Variants in CTNNA2 observed in about 807,000 individuals in gnomAD.
The protein encoded by CTNNA2 is catenin alpha 2.
A neutral mutation model predicts 101.0 loss-of-function variants in CTNNA2; 42 were observed. That is an observed-to-expected ratio of 0.42 (90% CI 0.32 to 0.54). The LOEUF (loss-of-function observed/expected upper bound fraction) is 0.54, where lower values mean the gene tolerates loss of function less well. Among genes scored for constraint, CTNNA2 ranks in the 20% least tolerant of loss-of-function variants. The pLI, the probability that CTNNA2 is intolerant of heterozygous loss-of-function variation, is 0.14. For synonymous variants in CTNNA2, 450 were observed against 456.4 expected, an observed-to-expected ratio of 0.99 and a Z score of 0.18; for missense variants, 871 against 1,223.1, an observed-to-expected ratio of 0.71 and a Z score of 4.29.
In CTNNA2 at chr2:80,119,954, A is replaced by G. The variant is rs185799020; in HGVS notation, c.1056+210157A>G. 4.6e-5 allele frequency among the ~76,000 whole-genome samples: 7 copies of G among 152,346 alleles called. No individual in the cohort carries two copies. In the East Asian group the frequency reaches 9.6e-4, roughly 21 times the overall value. ...GGAAATTAAAAGCCTCTGGCAATCTATAAACAATAGCCTTTGGTTTTGACT... is the reference window on the plus strand; with the variant it reads ...GGAAATTAAAAGCCTCTGGCAATCTGTAAACAATAGCCTTTGGTTTTGACT... On this transcript the variant is annotated intron_variant, in intron 7 of 18. Transcript: ENST00000402739.
intron 1 of CTNNA2, among the ~76,000 whole-genome samples, chr2:79,565,188 T>A (rs1675031470): frequency 1.3e-5 from 2 of 151,830 alleles, no homozygotes. Flanking sequence ...CACACGATCA[T>A]GAAATATTTG....
chr2:79,428,005 T>C (rs557258245), intron 4 of CTNNA2, among the ~76,000 whole-genome samples: 1 of 152,264 alleles, frequency 6.6e-6, no homozygotes, highest in East Asian at 1.9e-4. Context: ...ATCCTGTCAC[T>C]TTTCTAATGC....
At chr2:79,627,092 C>T (rs1460241356) in intron 1 of CTNNA2, among the ~76,000 whole-genome samples, 1 of 152,210 alleles carries the variant, frequency 6.6e-6, no homozygotes, top group Non-Finnish European at 1.5e-5. Flanking sequence ...GCTTTATGGG[C>T]GACAGCTCTG....
chr2:79,970,166 G>T (rs1025688211), intron 7 of CTNNA2, among the ~76,000 whole-genome samples: 1 of 152,172 alleles, frequency 6.6e-6, no homozygotes, highest in African/African-American at 2.4e-5. Context: ...GTGTTATAGA[G>T]AAAGGGAATT....
intron 8 of CTNNA2, among the ~76,000 whole-genome samples, chr2:80,414,313 C>T (rs1416595547): frequency 6.6e-6 from 1 of 152,174 alleles, no homozygotes; most frequent in Non-Finnish European, 1.5e-5. Context: ...CATTCCTGTC[C>T]TAGTTCATAG....
intron 2 of CTNNA2, among the ~76,000 whole-genome samples, chr2:79,299,939 A>G (rs1476433205): frequency 6.6e-6 from 1 of 152,236 alleles, no homozygotes; most frequent in African/African-American, 2.4e-5. Flanking sequence ...AGATTTACAG[A>G]AAAATTGAAT....
At chr2:79,776,807 C>G (rs1301127449) in intron 3 of CTNNA2, among the ~76,000 whole-genome samples, 1 of 152,098 alleles carries the variant, frequency 6.6e-6, no homozygotes, top group Non-Finnish European at 1.5e-5. Context: ...ATCTCTAACC[C>G]TTTTAGTTAT....
intron 6 of CTNNA2, among the ~76,000 whole-genome samples, chr2:79,888,672 A>G (rs1487515803): frequency 6.6e-6 from 1 of 152,056 alleles, no homozygotes; most frequent in Non-Finnish European, 1.5e-5. Context: ...TATATTTCCA[A>G]TCTTGGGTTA....
At position 79,743,733 on chromosome 2, in the gene CTNNA2, C is replaced by G. The variant is rs369651299; in HGVS notation, c.103-654C>G. Among the ~76,000 whole-genome samples the G allele has an allele frequency of 3.2e-4, 48 of 152,014 alleles. No homozygotes were observed. The East Asian group carries it at 5.4e-3, about 17-fold the overall frequency. On this transcript the variant is annotated intron_variant, in intron 2 of 18. Coordinates refer to ENST00000402739, the MANE Select transcript of CTNNA2 (RefSeq NM_001282597.3). ...ATTTTTAGTATAGATGAGGTTTCAC[C>G]ATGTTGGCCAGGCTGGTCTCGAACT... is the stretch of plus-strand genomic sequence containing the variant.
intron 9 of CTNNA2, among the ~76,000 whole-genome samples, chr2:80,530,216 C>T (rs527734515): frequency 5.3e-5 from 8 of 152,084 alleles, no homozygotes; most frequent in African/African-American, 1.9e-4. Flanking sequence ...CCCCAGGTGA[C>T]GTGAAATAAC....
intron 3 of CTNNA2, among the ~76,000 whole-genome samples, chr2:79,345,838 G>A (rs926842271): frequency 4.0e-5 from 6 of 148,502 alleles, no homozygotes; most frequent in African/African-American, 9.9e-5. Flanking sequence ...TATTACAGGC[G>A]CCAGCCATCA....
intron 4 of CTNNA2, among the ~76,000 whole-genome samples, chr2:79,384,307 G>A (rs1211298592): frequency 6.7e-6 from 1 of 149,278 alleles, no homozygotes; most frequent in Non-Finnish European, 1.5e-5. Flanking sequence ...GGAAAATTTG[G>A]TTTTCATTTC....
At chr2:80,084,744 C>T (rs1467679291) in intron 7 of CTNNA2, among the ~76,000 whole-genome samples, 1 of 151,986 alleles carries the variant, frequency 6.6e-6, no homozygotes, top group African/African-American at 2.4e-5. Context: ...CTCTGGTTGG[C>T]AGTTCCTGAG....
intron 7 of CTNNA2, among the ~76,000 whole-genome samples, chr2:80,283,827 T>C (rs943214544): frequency 6.6e-6 from 1 of 151,006 alleles, no homozygotes; most frequent in Non-Finnish European, 1.5e-5. Context: ...GAATGGAAGA[T>C]GGGAGGGCAA....
chr2:79,825,512 A>G lies in CTNNA2; in HGVS notation c.299-32501A>G, dbSNP rs147072882. 4.7e-3 allele frequency among the ~76,000 whole-genome samples: 711 copies of G among 152,252 alleles called. 3 individuals carry two copies. Among genetic ancestry groups the G allele is most frequent in the Middle Eastern group, 6.8e-3 (2 of 294 alleles). ...TTCGAATTATCTGGTTTGAGCATCT[A>G]AAGGGGATAGTGTTGCCATTACTAA... On this transcript the variant is annotated intron_variant, in intron 3 of 18. Transcript: ENST00000402739.
intron 4 of CTNNA2, among the ~76,000 whole-genome samples, chr2:79,468,470 C>T (rs1377292062): frequency 3.2e-4 from 48 of 152,178 alleles, no homozygotes; most frequent in South Asian, 6.2e-4. Context: ...GACAGATCAA[C>T]GAGACAGAAA....
rs117622872 is a variant in CTNNA2, at chr2:79,223,001, A to G, written c.-406+24925A>G. Among the ~76,000 whole-genome samples the G allele has an allele frequency of 2.2e-4, 33 of 152,060 alleles. No individual in the cohort carries two copies. The East Asian group carries it at 5.4e-3, about 25-fold the overall frequency. ...TCTGTAAAAAAAGTTAAAAAAAAAA[A>G]TTAGCCAGGCATAGTGCAAGTGGTG... is the stretch of plus-strand genomic sequence containing the variant. On this transcript the variant is annotated intron_variant, in intron 2 of 21. Transcript: ENST00000466387.
intron 2 of CTNNA2, among the ~76,000 whole-genome samples, chr2:79,670,036 C>T (rs1199980060): frequency 6.6e-6 from 1 of 152,198 alleles, no homozygotes; most frequent in Non-Finnish European, 1.5e-5. Flanking sequence ...GAGCAGACAA[C>T]TCTGAGCCTG....
chr2:80,311,136 T>G (rs2149227462), intron 7 of CTNNA2, among the ~76,000 whole-genome samples: 1 of 152,280 alleles, frequency 6.6e-6, no homozygotes, highest in East Asian at 1.9e-4. Flanking sequence ...TTGTTTCTGG[T>G]TTTTAGTCAT....
Sources: gnomAD v4.1 joint callset for allele counts (sites outside exome capture counted in the v4.1 genomes callset) on GRCh38, gnomAD v4.1.1 for gene constraint, MANE v1.5 for transcripts, NCBI Gene and HGNC (gene_info 2026-07-23, HGNC 2026-07-21) for gene names.